The following GALNT13 variants were observed in gnomAD, a reference collection of about 807,000 sequenced individuals.
GALNT13 encodes UDP-GalNAc:polypeptide N-acetylgalactosaminyltransferase 13.
In GALNT13, 28 loss-of-function variants were observed where a neutral mutation model predicts 64.2. The observed-to-expected ratio is 0.44, with a 90% CI of 0.32 to 0.60. The LOEUF (loss-of-function observed/expected upper bound fraction) is 0.60. GALNT13 is among the 20% of genes least tolerant of loss of function. The pLI is 0.05. For synonymous variants in GALNT13, 214 were observed against 224.6 expected (o/e 0.95, Z 0.42); for missense variants, 577 against 669.8 (o/e 0.86, Z 1.53).
chr2:153,336,106 G>T, the GALNT13 span, among the ~76,000 whole-genome samples: 2 of 152,204 alleles, frequency 1.3e-5, no homozygotes, highest in Non-Finnish European at 2.9e-5. Flanking sequence ...GTATGATAAT[G>T]CCTGGATGCC....
the GALNT13 span, among the ~76,000 whole-genome samples, chr2:153,605,065 T>C: frequency 8.5e-5 from 13 of 152,168 alleles, no homozygotes; most frequent in Admixed American, 1.3e-4. Flanking sequence ...GATTTCCAGT[T>C]TGACAACTTT....
chr2:154,143,979 A>T (rs764889891), intron 4 of GALNT13, among the ~76,000 whole-genome samples: 8 of 152,140 alleles, frequency 5.3e-5, no homozygotes, highest in Non-Finnish European at 7.4e-5. Flanking sequence ...CTGTGGAGCA[A>T]TCCAACATTT....
chr2:154,163,005 A>C (rs1684824495), intron 4 of GALNT13, among the ~76,000 whole-genome samples: 2 of 148,732 alleles, frequency 1.3e-5, no homozygotes, highest in Admixed American at 1.3e-4. Context: ...ATTATACTTT[A>C]AGTTTTAGGG....
At chr2:153,227,626 C>T in the GALNT13 span, among the ~76,000 whole-genome samples, 4 of 152,172 alleles carry the variant, frequency 2.6e-5, no homozygotes, top group South Asian at 2.1e-4. Flanking sequence ...TAATCTGCAT[C>T]GCAAAGCCTT....
chr2:154,187,792 T>C (rs570266409), intron 4 of GALNT13, among the ~76,000 whole-genome samples: 1 of 152,320 alleles, frequency 6.6e-6, no homozygotes, highest in Non-Finnish European at 1.5e-5. Context: ...AATGGCATTT[T>C]TTAATGTTAT....
the GALNT13 span, among the ~76,000 whole-genome samples, chr2:153,219,036 A>G: frequency 6.6e-6 from 1 of 152,244 alleles, no homozygotes; most frequent in Non-Finnish European, 1.5e-5. Flanking sequence ...CAATGTATAT[A>G]TATATGAAAC....
chr2:153,494,496 C>A, the GALNT13 span, among the ~76,000 whole-genome samples: 1 of 151,916 alleles, frequency 6.6e-6, no homozygotes, highest in African/African-American at 2.4e-5. Flanking sequence ...TACCCCAAAA[C>A]AATCCAATGG....
the GALNT13 span, among the ~76,000 whole-genome samples, chr2:153,507,215 T>G: frequency 6.6e-6 from 1 of 152,118 alleles, no homozygotes; most frequent in East Asian, 1.9e-4. Context: ...TGTTTTTTAT[T>G]CGTTATTTCA....
At chr2:153,308,058 C>G in the GALNT13 span, among the ~76,000 whole-genome samples, 1 of 151,992 alleles carries the variant, frequency 6.6e-6, no homozygotes, top group Admixed American at 6.6e-5. Context: ...AAAAACAAGA[C>G]AAAAATATTC....
intron 1 of GALNT13, among the ~76,000 whole-genome samples, chr2:153,894,138 G>A (rs9636322): frequency 0.14 from 21,519 of 151,882 alleles, 1,734 homozygotes; most frequent in South Asian, 0.21. Context: ...GCTGGTGACT[G>A]CTTGGAACAA....
chr2:154,320,844 A>G (rs928281607), intron 9 of GALNT13, among the ~76,000 whole-genome samples: 2 of 152,192 alleles, frequency 1.3e-5, no homozygotes, highest in Non-Finnish European at 2.9e-5. Flanking sequence ...CCAAAATGCT[A>G]ATTGACAATG....
At chr2:153,820,626 G>A in the GALNT13 span, among the ~76,000 whole-genome samples, 1 of 152,074 alleles carries the variant, frequency 6.6e-6, no homozygotes, top group East Asian at 1.9e-4. Context: ...AGCTTCTTAA[G>A]TAAAGAAGAA....
the GALNT13 span, among the ~76,000 whole-genome samples, chr2:153,520,805 A>G: frequency 0.29 from 43,507 of 152,066 alleles, 6,874 homozygotes; most frequent in East Asian, 0.55. Flanking sequence ...TTAGAATATA[A>G]TAATCAAATC....
the GALNT13 span, among the ~76,000 whole-genome samples, chr2:153,539,414 AC>A: frequency 6.6e-6 from 1 of 151,976 alleles, no homozygotes; most frequent in Non-Finnish European, 1.5e-5. Context: ...CCATTTGTCA[AC>A]TTTGTCTTTT....
the GALNT13 span, among the ~76,000 whole-genome samples, chr2:153,493,380 C>T: frequency 6.6e-6 from 1 of 151,964 alleles, no homozygotes; most frequent in East Asian, 1.9e-4. Flanking sequence ...ATATTGTCAA[C>T]AACCTCTATT....
At chr2:153,101,279 G>A in the GALNT13 span, among the ~76,000 whole-genome samples, 2 of 152,046 alleles carry the variant, frequency 1.3e-5, no homozygotes, top group Admixed American at 6.6e-5. Flanking sequence ...AAATTCTCAA[G>A]TGTACCTAGA....
intron 2 of GALNT13, among the ~76,000 whole-genome samples, chr2:153,941,484 C>T (rs915599954): frequency 2.6e-5 from 4 of 152,062 alleles, no homozygotes; most frequent in African/African-American, 9.7e-5. Flanking sequence ...TTTGGCAAGC[C>T]AGGGATATTG....
chr2:153,515,399 A>C, the GALNT13 span, among the ~76,000 whole-genome samples: 1 of 152,140 alleles, frequency 6.6e-6, no homozygotes, highest in Non-Finnish European at 1.5e-5. Context: ...TTGCTCTGAA[A>C]ACCTTCTGGC....
At chr2:154,268,584 A>G (rs945159942) in intron 8 of GALNT13, among the ~76,000 whole-genome samples, 3 of 152,150 alleles carry the variant, frequency 2.0e-5, no homozygotes, top group Non-Finnish European at 2.9e-5. Context: ...TATGTTAGTT[A>G]TACTTTAATA....
Sources: allele counts gnomAD v4.1 joint callset (sites outside exome capture counted in the v4.1 genomes callset), GRCh38; gene constraint gnomAD v4.1.1; transcripts MANE v1.5; gene names NCBI Gene and HGNC (gene_info 2026-07-23, HGNC 2026-07-21).